MYSM1: variants seen among roughly 807,000 people sequenced by gnomAD.
The protein encoded by MYSM1 is deubiquitinase MYSM1.
MYSM1 carries 51 observed loss-of-function variants against 116.0 expected under a neutral mutation model. The ratio of observed to expected loss-of-function variants is 0.44; its 90% confidence interval spans 0.35 to 0.56. MYSM1 has a LOEUF of 0.56. MYSM1 is among the 20% of genes least tolerant of loss of function. MYSM1 has a pLI of 0.00. For missense variants in MYSM1, 900 were observed against 974.9 expected (o/e 0.92, Z 1.02); for synonymous variants, 313 against 315.2 (o/e 0.99, Z 0.07).
At chr1:58,690,464 A>G in intron 3 of MYSM1, 47 bp from the exon 4 acceptor site, 2 of 1,291,480 alleles carry the variant, frequency 1.5e-6, no homozygotes, top group East Asian at 2.3e-5. Flanking sequence ...ACAGTCATGT[A>G]ATTTTTACAT....
intron 9 of MYSM1, 51 bp from the exon 10 acceptor site, chr1:58,675,631 T>TGTCTTAC: frequency 7.1e-7 from 1 of 1,411,654 alleles, no homozygotes; most frequent in Non-Finnish European, 9.9e-7. Flanking sequence ...TGAAACTCAT[T>TGTCTTAC]TGTTAAACAG....
chr1:58,695,388 C>G (rs1002559665), intron 1 of MYSM1, among the ~76,000 whole-genome samples, 181 bp from the exon 2 acceptor site: 5 of 152,124 alleles, frequency 3.3e-5, no homozygotes, highest in Admixed American at 3.3e-4. Context: ...GCCTGTGAAA[C>G]ACGTGGTAGT....
At chr1:58,683,979 T>A (rs1260547165) in intron 7 of MYSM1, among the ~76,000 whole-genome samples, 2 of 152,116 alleles carry the variant, frequency 1.3e-5, no homozygotes, top group Non-Finnish European at 2.9e-5. Context: ...ATAGCATGTA[T>A]CTTGGAAGCC....
chr1:58,688,108 T>TA (rs200580230), intron 6 of MYSM1, among the ~76,000 whole-genome samples: 20 of 147,834 alleles, frequency 1.4e-4, no homozygotes, highest in South Asian at 2.1e-4. Flanking sequence ...AATATCAATA[T>TA]AAAAAAAAAA....
Position 58,685,172 on chromosome 1 carries a change from C to G in MYSM1, c.479G>C (p.Arg160Thr). The change falls in exon 7 of 20, where the codon AGA becomes ACA. Residue 160 changes from arginine to threonine, a missense_variant. Around this residue, in one of 3 missense-constraint regions of MYSM1, gnomAD observed 622 missense variants for 623.7 expected, o/e 1.00. Transcript: ENST00000472487. ...GCTTACCTTATTTTTAAAATACTGT[C>G]TTGCATAACTCTTCACTTGTAAAAC... is the stretch of plus-strand genomic sequence containing the variant. Reference protein sequence around the residue: ...RTVLQVKSYARQYFKNKVKCG... With the variant: ...RTVLQVKSYATQYFKNKVKCG... 1 of 1,599,832 alleles carries G rather than the reference C, an allele frequency of 6.3e-7. No homozygotes were observed. Among genetic ancestry groups the G allele is most frequent in the South Asian group, 1.1e-5 (1 of 87,688 alleles).
chr1:58,688,059 A>C (rs1644854326), intron 6 of MYSM1, among the ~76,000 whole-genome samples: 1 of 152,168 alleles, frequency 6.6e-6, no homozygotes, highest in Non-Finnish European at 1.5e-5. Context: ...TGATTAATTA[A>C]AGTTAGATCA....
At chr1:58,662,473 T>C (rs1441131897) in intron 17 of MYSM1, among the ~76,000 whole-genome samples, 6 of 150,912 alleles carry the variant, frequency 4.0e-5, no homozygotes, top group African/African-American at 1.5e-4. Flanking sequence ...TTTTTTTTTT[T>C]TCGATGAGGA....
chr1:58,680,893 C>T (rs921005501), intron 8 of MYSM1, among the ~76,000 whole-genome samples: 1 of 151,560 alleles, frequency 6.6e-6, no homozygotes, highest in Admixed American at 6.6e-5. Context: ...ACGATCTCGG[C>T]TCACTGCAAC....
chr1:58,698,102 A>ATATTTTTTTTTTTTTTTTTT, intron 1 of MYSM1, among the ~76,000 whole-genome samples: 6 of 7,776 alleles, frequency 7.7e-4, no homozygotes, highest in Non-Finnish European at 1.8e-3. Flanking sequence ...ATATATATAT[A>ATATTTTTTTTTTTTTTTTTT]TTTTTTTTTT....
intron 9 of MYSM1, among the ~76,000 whole-genome samples, chr1:58,676,229 C>A (rs1644649357): frequency 6.7e-6 from 1 of 150,018 alleles, no homozygotes; most frequent in Non-Finnish European, 1.5e-5. Context: ...CCAGCCTGGC[C>A]AATATGGTGA....
intron 1 of MYSM1, among the ~76,000 whole-genome samples, chr1:58,698,102 A>ATATTTTTTTTTTTTTTTTT: frequency 2.6e-4 from 2 of 7,776 alleles, no homozygotes; most frequent in African/African-American, 5.1e-4. Flanking sequence ...ATATATATAT[A>ATATTTTTTTTTTTTTTTTT]TTTTTTTTTT....
chr1:58,697,897 A>G (rs1294619343), intron 1 of MYSM1, among the ~76,000 whole-genome samples: 1 of 150,806 alleles, frequency 6.6e-6, no homozygotes, highest in East Asian at 2.0e-4. Flanking sequence ...CCAACCCAAA[A>G]GTTTCAATAC....
intron 1 of MYSM1, chr1:58,699,553 G>T: frequency 1.2e-6 from 1 of 867,436 alleles, no homozygotes; most frequent in Non-Finnish European, 1.4e-6. Context: ...CTATCCCCAT[G>T]TGGAAGAAGG....
intron 14 of MYSM1, chr1:58,668,365 G>A: frequency 9.5e-7 from 1 of 1,048,558 alleles, no homozygotes; most frequent in Non-Finnish European, 1.2e-6. Flanking sequence ...TCTAAAAAGT[G>A]GCAGACACAT....
Position 58,656,655 on chromosome 1 carries a change from A to G in MYSM1, c.*3342T>C, listed in dbSNP as rs766507258. 2.6e-5 allele frequency: 4 copies of G among 152,224 alleles called. No homozygotes were observed. Among genetic ancestry groups the G allele is most frequent in the Non-Finnish European group, 5.9e-5 (4 of 68,048 alleles). 9.4% of individuals were successfully genotyped at this position (152,224 alleles called of 1,614,324 possible). A position where few individuals can be genotyped will look rare whatever the true frequency, so the allele number is the denominator to read the frequency against. On this transcript the variant is annotated 3_prime_UTR_variant, in exon 20 of 20. Coordinates refer to ENST00000472487, the MANE Select transcript of MYSM1 (RefSeq NM_001085487.3). Reference sequence around the variant, plus strand: ...ATAGATCTATAACCGTGGAAACTGCAGTGCTCCTGGATGGAGTGGCAAAGG... The same window carrying G: ...ATAGATCTATAACCGTGGAAACTGCGGTGCTCCTGGATGGAGTGGCAAAGG...
Position 58,682,562 on chromosome 1 carries a change from A to C in MYSM1, c.499-17T>G. On this transcript the variant is annotated splice_polypyrimidine_tract_variant and intron_variant, in intron 7 of 19. Coordinates refer to ENST00000472487, the MANE Select transcript of MYSM1 (RefSeq NM_001085487.3). Reference sequence around the variant, plus strand: ...GCATTTGACCTTATTAAAAATCAAAATAAAATCCCCATAATATTAAGATTT... The same window carrying C: ...GCATTTGACCTTATTAAAAATCAAACTAAAATCCCCATAATATTAAGATTT... 1.3e-6 allele frequency: 2 copies of C among 1,550,238 alleles called. No individual in the cohort carries two copies. Among genetic ancestry groups the C allele is most frequent in the Non-Finnish European group, 1.7e-6 (2 of 1,152,666 alleles).
intron 1 of MYSM1, among the ~76,000 whole-genome samples, chr1:58,696,319 G>A (rs1209598114): frequency 1.3e-5 from 2 of 152,178 alleles, no homozygotes; most frequent in Non-Finnish European, 2.9e-5. Flanking sequence ...AGAAGAATCA[G>A]CAACACTCAT....
chr1:58,667,939 CAG>C lies in MYSM1; in HGVS notation c.1768-20_1768-19del. On this transcript the variant is annotated intron_variant, in intron 14 of 19. Transcript: ENST00000472487. ...TGAGCATGCTAAAAGAAATACAAGACAGACTTAGCCCAAACGCACAAACCCAC... is the reference window on the plus strand; with the variant it reads ...TGAGCATGCTAAAAGAAATACAAGACACTTAGCCCAAACGCACAAACCCAC... The C allele has an allele frequency of 1.9e-6, 3 of 1,590,578 alleles. No homozygotes were observed. In the South Asian group the frequency reaches 3.3e-5, roughly 18 times the overall value.
chr1:58,677,653 T>A (rs1481199627), intron 8 of MYSM1, among the ~76,000 whole-genome samples: 1 of 152,178 alleles, frequency 6.6e-6, no homozygotes, highest in East Asian at 1.9e-4. Flanking sequence ...GAGGTTTATA[T>A]AATAAAACAC....
Sources: gnomAD v4.1 joint callset for allele counts (sites outside exome capture counted in the v4.1 genomes callset) on GRCh38, gnomAD v4.1.1 for gene constraint, gnomAD v4.1.1 regional missense constraint, MANE v1.5 for transcripts, NCBI Gene and HGNC (gene_info 2026-07-23, HGNC 2026-07-21) for gene names.